Variants in GRM8 observed in about 807,000 individuals in gnomAD.
GRM8 encodes the protein metabotropic glutamate receptor 8.
In GRM8, 47 loss-of-function variants were observed where a neutral mutation model predicts 87.2. The ratio of observed to expected loss-of-function variants is 0.54; its 90% CI spans 0.43 to 0.69. GRM8 has a LOEUF of 0.69. GRM8 is among the 30% of genes least tolerant of loss of function. The probability of loss-of-function intolerance (pLI) is 0.00; values close to 1 mark genes in which losing one functional copy is unlikely to be tolerated. For synonymous variants in GRM8, 396 were observed against 404.5 expected (o/e 0.98, Z 0.25); for missense variants, 1,019 against 1,139.2 (o/e 0.89, Z 1.52).
intron 7 of GRM8, among the ~76,000 whole-genome samples, chr7:126,702,873 A>G (rs1184623423): frequency 1.3e-5 from 2 of 152,194 alleles, no homozygotes; most frequent in African/African-American, 4.8e-5. Context: ...TAAAGACCTA[A>G]AGAATGAAAA....
intron 3 of GRM8, among the ~76,000 whole-genome samples, chr7:126,939,790 C>G (rs995496922): frequency 6.6e-6 from 1 of 152,170 alleles, no homozygotes; most frequent in Non-Finnish European, 1.5e-5. Context: ...GAAACACAGA[C>G]TTCCTCCACT....
At chr7:126,814,645 C>A (rs1793604588) in intron 6 of GRM8, among the ~76,000 whole-genome samples, 2 of 151,950 alleles carry the variant, frequency 1.3e-5, no homozygotes. Flanking sequence ...CCTGTTACCA[C>A]TCTCCTTATT....
intron 3 of GRM8, among the ~76,000 whole-genome samples, chr7:126,974,297 T>C (rs1204252624): frequency 6.6e-6 from 1 of 152,134 alleles, no homozygotes; most frequent in Non-Finnish European, 1.5e-5. Context: ...TTAATAAAAT[T>C]GTATTGTATT....
chr7:127,127,497 C>T (rs1337135499), intron 2 of GRM8, among the ~76,000 whole-genome samples: 1 of 151,962 alleles, frequency 6.6e-6, no homozygotes, highest in Non-Finnish European at 1.5e-5. Flanking sequence ...GAATGAATCT[C>T]AAAACTATTA....
At chr7:127,083,862 G>C (rs1823145024) in intron 3 of GRM8, among the ~76,000 whole-genome samples, 1 of 152,100 alleles carries the variant, frequency 6.6e-6, no homozygotes, top group Admixed American at 6.6e-5. Flanking sequence ...CTTCAGTACA[G>C]AATTTACCAA....
intron 3 of GRM8, among the ~76,000 whole-genome samples, chr7:127,038,817 G>A (rs1402806315): frequency 3.9e-5 from 6 of 152,194 alleles, no homozygotes; most frequent in Admixed American, 3.9e-4. Flanking sequence ...AACAATGGCT[G>A]TATTTGACCA....
chr7:127,167,134 C>T (rs1587180287), intron 2 of GRM8, among the ~76,000 whole-genome samples: 2 of 151,978 alleles, frequency 1.3e-5, no homozygotes, highest in Admixed American at 1.3e-4. Flanking sequence ...GGGCAATCTG[C>T]AGGCAAAAAG....
chr7:126,619,555 A>G (rs957189232), intron 7 of GRM8, among the ~76,000 whole-genome samples: 3 of 152,364 alleles, frequency 2.0e-5, no homozygotes, highest in Admixed American at 6.5e-5. Context: ...ACATTAAAAA[A>G]AGAAATATAA....
At chr7:126,718,168 G>A (rs1811966842) in intron 7 of GRM8, among the ~76,000 whole-genome samples, 1 of 151,936 alleles carries the variant, frequency 6.6e-6, no homozygotes, top group Admixed American at 6.6e-5. Context: ...ATCCAGGAGT[G>A]GGAGCTTGCA....
chr7:126,701,042 T>C (rs775416374), intron 7 of GRM8, among the ~76,000 whole-genome samples: 18 of 152,220 alleles, frequency 1.2e-4, no homozygotes, highest in Non-Finnish European at 1.6e-4. Context: ...TAAATGTATA[T>C]ATATATGTGT....
chr7:126,774,978 A>G lies in GRM8; in HGVS notation c.1157-4913T>C, dbSNP rs371603829. 2.3e-4 allele frequency among the ~76,000 whole-genome samples: 35 copies of G among 152,300 alleles called. 1 individual carries two copies. Among genetic ancestry groups the G allele is most frequent in the African/African-American group, 8.2e-4 (34 of 41,578 alleles). On this transcript the variant is annotated intron_variant, in intron 6 of 10. Coordinates refer to ENST00000339582, the MANE Select transcript of GRM8 (RefSeq NM_000845.3). ...ATGATGGTCCAATAAGCAGTTGGTC[A>G]ATTCAAGTAAAAAACAAATGGAAGT...
intron 2 of GRM8, among the ~76,000 whole-genome samples, chr7:127,217,091 G>T (rs897440353): frequency 6.6e-6 from 1 of 152,112 alleles, no homozygotes; most frequent in Non-Finnish European, 1.5e-5. Context: ...TGTAATGGGT[G>T]CTCTGTGGTA....
intron 6 of GRM8, among the ~76,000 whole-genome samples, chr7:126,780,176 T>C (rs1819907736): frequency 6.6e-6 from 1 of 152,260 alleles, no homozygotes; most frequent in Middle Eastern, 3.4e-3. Context: ...TTTAGTTCTG[T>C]GATTGAGACC....
intron 6 of GRM8, among the ~76,000 whole-genome samples, chr7:126,837,623 T>C (rs1795923020): frequency 6.6e-6 from 1 of 152,242 alleles, no homozygotes; most frequent in Admixed American, 6.5e-5. Context: ...GAGCACTTTT[T>C]ATCTAAGTGA....
chr7:127,006,194 T>A (rs1406132259), intron 3 of GRM8, among the ~76,000 whole-genome samples: 1 of 151,990 alleles, frequency 6.6e-6, no homozygotes, highest in African/African-American at 2.4e-5. Context: ...ATATGAGGGA[T>A]GAAATCTCCT....
intron 7 of GRM8, among the ~76,000 whole-genome samples, chr7:126,647,647 T>A (rs1351056957): frequency 6.6e-6 from 1 of 152,116 alleles, no homozygotes; most frequent in African/African-American, 2.4e-5. Flanking sequence ...CATCCAGAGT[T>A]GCTTACATGA....
intron 9 of GRM8, chr7:126,512,103 C>A (rs998959030): frequency 2.0e-5 from 3 of 152,060 alleles, no homozygotes; most frequent in Admixed American, 2.0e-4. Context: ...AGAAACATAG[C>A]AATTCAGATC....
intron 7 of GRM8, among the ~76,000 whole-genome samples, chr7:126,635,245 A>AC (rs1801731982): frequency 6.6e-6 from 1 of 151,838 alleles, no homozygotes; most frequent in Non-Finnish European, 1.5e-5. Flanking sequence ...AGAGTATAAA[A>AC]AATAAACAAG....
intron 3 of GRM8, among the ~76,000 whole-genome samples, chr7:126,944,365 T>C (rs1586551005): frequency 6.6e-6 from 1 of 152,252 alleles, no homozygotes; most frequent in East Asian, 1.9e-4. Flanking sequence ...ATACAGGCCC[T>C]AGAGGCTGGG....
Sources: gnomAD v4.1 joint callset for allele counts (sites outside exome capture counted in the v4.1 genomes callset) on GRCh38, gnomAD v4.1.1 for gene constraint, MANE v1.5 for transcripts, NCBI Gene and HGNC (gene_info 2026-07-23, HGNC 2026-07-21) for gene names.